ZNF728: variants seen among roughly 807,000 people sequenced by gnomAD.
ZNF728 encodes the protein zinc finger protein 728.
Under a neutral mutation model 12.5 loss-of-function variants are expected in ZNF728, and 12 were observed. The observed-to-expected ratio is 0.96, with a 90% CI of 0.61 to 1.55. The LOEUF (loss-of-function observed/expected upper bound fraction) is 1.55. Among genes scored for constraint, ZNF728 ranks in the 40% most tolerant of loss-of-function variants. ZNF728 has a pLI of 0.00. For missense variants in ZNF728, 692 were observed against 719.2 expected (o/e 0.96, Z 0.43); for synonymous variants, 205 against 240.7 (o/e 0.85, Z 1.37).
At chr19:22,992,522 T>TATG (rs1375342278) in intron 1 of ZNF728, among the ~76,000 whole-genome samples, 6 of 151,714 alleles carry the variant, frequency 4.0e-5, no homozygotes, top group African/African-American at 1.5e-4. Context: ...GGATTACAGG[T>TATG]ATGAGTCACT....
chr19:23,000,214 A>G (rs573377804), intron 1 of ZNF728, among the ~76,000 whole-genome samples: 1 of 152,052 alleles, frequency 6.6e-6, no homozygotes, highest in South Asian at 2.1e-4. Context: ...CGTCTCTACT[A>G]AAAATACAAA....
chr19:22,979,066 G>T (rs528158170), intron 3 of ZNF728, among the ~76,000 whole-genome samples: 1 of 152,134 alleles, frequency 6.6e-6, no homozygotes, highest in African/African-American at 2.4e-5. Flanking sequence ...AAACTCCTCC[G>T]AGCTAAAGGA....
intron 1 of ZNF728, among the ~76,000 whole-genome samples, chr19:22,990,785 C>A (rs1968979191): frequency 6.6e-6 from 1 of 152,150 alleles, no homozygotes; most frequent in African/African-American, 2.4e-5. Flanking sequence ...GGAAAGGGCA[C>A]AAGTAAAAAG....
intron 3 of ZNF728, chr19:22,985,792 A>T (rs945533838): frequency 7.2e-5 from 11 of 152,738 alleles, no homozygotes; most frequent in African/African-American, 2.7e-4. Flanking sequence ...TCCAAGACTC[A>T]GTTCCAGCTT....
intron 3 of ZNF728, among the ~76,000 whole-genome samples, chr19:22,980,330 A>G (rs1968849273): frequency 6.6e-6 from 1 of 152,194 alleles, no homozygotes; most frequent in Non-Finnish European, 1.5e-5. Flanking sequence ...AGAAGAGCTA[A>G]CTATCCTAAA....
At chr19:22,988,218 T>A (rs1968940078) in intron 2 of ZNF728, 107 bp downstream of exon 2, 2 of 1,575,898 alleles carry the variant, frequency 1.3e-6, no homozygotes, top group African/African-American at 1.4e-5. Flanking sequence ...TACTCTTTTG[T>A]CTGCCTTTAT....
At chr19:22,990,116 G>GT (rs1393137435) in intron 1 of ZNF728, among the ~76,000 whole-genome samples, 4 of 152,146 alleles carry the variant, frequency 2.6e-5, no homozygotes, top group African/African-American at 9.7e-5. Flanking sequence ...TTTGACTATT[G>GT]TAAGAATTTT....
At chr19:22,982,241 A>G (rs1968867923) in intron 3 of ZNF728, among the ~76,000 whole-genome samples, 1 of 152,178 alleles carries the variant, frequency 6.6e-6, no homozygotes, top group Admixed American at 6.5e-5. Context: ...AGAGAGCCAA[A>G]TCATGACTGA....
chr19:22,992,698 G>T (rs1178682728), intron 1 of ZNF728, among the ~76,000 whole-genome samples: 1 of 152,174 alleles, frequency 6.6e-6, no homozygotes, highest in Admixed American at 6.5e-5. Context: ...ACCAACCAAA[G>T]ATACTTCTTG....
Position 22,987,406 on chromosome 19 carries a change from GT to G in ZNF728, c.131-4del. 2 of 1,594,204 alleles carry G rather than the reference GT, an allele frequency of 1.3e-6. No homozygotes were observed. Among genetic ancestry groups the G allele is most frequent in the East Asian group, 2.3e-5 (1 of 44,320 alleles). On this transcript the variant is annotated splice_region_variant and splice_polypyrimidine_tract_variant and intron_variant, in intron 2 of 3. Transcript: ENST00000594710. ...GTCTGGCTTAGGGGCAGCAATACCT[GT>G]TTTATTAAAAATGAGTAACATGCAT...
chr19:23,000,864 TCAAAAAAAAAAAAAAAAAAAAC>T (rs889208131), intron 1 of ZNF728, among the ~76,000 whole-genome samples: 2,291 of 28,250 alleles, frequency 0.081, 63 homozygotes, highest in African/African-American at 0.25. Context: ...GAAAACACTG[TCAAAAAAAAAAAAAAAAAAAAC>T]CAAAAAAAAA....
At chr19:23,001,932 A>G (rs1969117766) in intron 1 of ZNF728, among the ~76,000 whole-genome samples, 1 of 152,196 alleles carries the variant, frequency 6.6e-6, no homozygotes, top group South Asian at 2.1e-4. Context: ...GAAAAATGCA[A>G]GGAAACAGCA....
At chr19:23,002,791 G>A (rs1036471507) in intron 1 of ZNF728, among the ~76,000 whole-genome samples, 3 of 152,166 alleles carry the variant, frequency 2.0e-5, no homozygotes, top group Non-Finnish European at 4.4e-5. Context: ...GCCCCAAGAG[G>A]GCTCCAGGCC....
chr19:23,003,052 G>A lies in ZNF728; in HGVS notation c.-22C>T, dbSNP rs1969130717. On this transcript the variant is annotated 5_prime_UTR_variant, in exon 1 of 4. Coordinates refer to ENST00000594710, the MANE Select transcript of ZNF728 (RefSeq NM_001267716.2). ...CCATTTCTAGGCTTCCGGGGGTCCT[G>A]GCGACTTAGTTGTGAATCTCCCAAT... 6.3e-7 allele frequency: 1 copy of A among 1,580,228 alleles called. No individual in the cohort carries two copies.
In ZNF728 at chr19:22,977,010, C is replaced by G. The variant is rs1462060221; in HGVS notation, c.327G>C (p.Glu109Asp). The change falls in exon 4 of 4, where the codon GAG becomes GAC. Residue 109 changes from glutamate (E) to aspartate (D), a missense_variant. By Grantham distance (45) the Glu-to-Asp change is conservative (BLOSUM62 2). Transcript: ENST00000594710. ...ILRRYEKCGH[E>D]NLQLKIGCTN... is the part of the protein sequence containing the mutation. ...TACAACCAATTTTTAACTGTAAATT[C>G]TCATGTCCACATTTTTCATATCTTC... The G allele has an allele frequency of 6.2e-7, 1 of 1,613,444 alleles. No individual in the cohort carries two copies. Among genetic ancestry groups the G allele is most frequent in the Non-Finnish European group, 8.5e-7 (1 of 1,179,768 alleles).
At chr19:22,990,535 CCT>C (rs1968975913) in intron 1 of ZNF728, among the ~76,000 whole-genome samples, 1 of 152,178 alleles carries the variant, frequency 6.6e-6, no homozygotes, top group Non-Finnish European at 1.5e-5. Flanking sequence ...GGAGCCATCC[CCT>C]GACACAGGCA....
At chr19:22,995,179 C>T (rs1599533207) in intron 1 of ZNF728, 1 of 152,244 alleles carries the variant, frequency 6.6e-6, no homozygotes, top group African/African-American at 2.4e-5. Flanking sequence ...CTTTCACAGA[C>T]ACCATGGGAC....
rs1307010477 is a variant in ZNF728, at chr19:22,976,975, T to A, written c.362A>T (p.Asp121Val). The change falls in exon 4 of 4, where the codon GAT (aspartate) becomes GTT (valine). Residue 121 changes from aspartate to valine, a missense_variant. Physicochemically the swap from Asp to Val is radical, Grantham distance 152. Coordinates refer to ENST00000594710, the MANE Select transcript of ZNF728 (RefSeq NM_001267716.2). ...ACCTTTTTTGTGCACCTTACACTCATCCACATTGGTACAACCAATTTTTAA... is the reference window on the plus strand; with the variant it reads ...ACCTTTTTTGTGCACCTTACACTCAACCACATTGGTACAACCAATTTTTAA... ...LQLKIGCTNV[D>V]ECKVHKKGYN... 5 of 1,613,468 alleles carry A rather than the reference T, an allele frequency of 3.1e-6. No individual in the cohort carries two copies. In the Admixed American group the frequency reaches 8.3e-5, roughly 27 times the overall value.
intron 1 of ZNF728, among the ~76,000 whole-genome samples, chr19:22,992,153 T>C (rs1420169427): frequency 6.6e-6 from 1 of 152,242 alleles, no homozygotes; most frequent in Non-Finnish European, 1.5e-5. Context: ...ACCCACCATA[T>C]GATGTATAAT....
Sources: allele counts gnomAD v4.1 joint callset (sites outside exome capture counted in the v4.1 genomes callset), GRCh38; gene constraint gnomAD v4.1.1; transcripts MANE v1.5; gene names NCBI Gene and HGNC (gene_info 2026-07-23, HGNC 2026-07-21).